ARHGAP8: variants seen among roughly 807,000 people sequenced by gnomAD.
ARHGAP8 encodes the protein Rho GTPase activating protein 8.
Under a neutral mutation model 46.1 loss-of-function variants are expected in ARHGAP8, and 62 were observed. The observed-to-expected ratio is 1.34, with a 90% CI of 1.10 to 1.66. ARHGAP8 has a LOEUF of 1.66. ARHGAP8 is among the 40% of genes most tolerant of loss of function. The pLI is 0.00. For synonymous variants in ARHGAP8, 375 were observed against 243.1 expected, an observed-to-expected ratio of 1.54 and a Z score of -5.05; for missense variants, 923 against 568.4, an observed-to-expected ratio of 1.62 and a Z score of -6.34.
At chr22:44,785,375 G>A (rs6007293) in intron 1 of ARHGAP8, among the ~76,000 whole-genome samples, 136,762 of 152,084 alleles carry the variant, frequency 0.9, 61,682 homozygotes, top group Non-Finnish European at 0.94. Context: ...CAAGGTGTCT[G>A]CAGAGCTGCA....
intron 5 of ARHGAP8, among the ~76,000 whole-genome samples, chr22:44,816,178 C>T (rs1326989721): frequency 6.6e-6 from 1 of 152,110 alleles, no homozygotes; most frequent in Non-Finnish European, 1.5e-5. Context: ...GGCTCTGAGG[C>T]TGCTGCTGAC....
intron 1 of ARHGAP8, among the ~76,000 whole-genome samples, chr22:44,758,115 G>A (rs138564213): frequency 2.6e-5 from 4 of 152,234 alleles, no homozygotes; most frequent in East Asian, 1.9e-4. Flanking sequence ...GGGAGGGCAG[G>A]TCTCTTTAGC....
chr22:44,807,253 G>C (rs1928996193), intron 3 of ARHGAP8, among the ~76,000 whole-genome samples: 1 of 152,168 alleles, frequency 6.6e-6, no homozygotes, highest in Admixed American at 6.5e-5. Context: ...GAGTGCTGGT[G>C]GAGGGTTAGG....
At chr22:44,855,257 C>T (rs2070193437) in intron 10 of ARHGAP8, among the ~76,000 whole-genome samples, 3 of 152,210 alleles carry the variant, frequency 2.0e-5, no homozygotes, top group East Asian at 1.9e-4. Context: ...TTCTCCTTGA[C>T]CTCTGGGCTC....
At chr22:44,846,603 G>A (rs958910815) in intron 8 of ARHGAP8, among the ~76,000 whole-genome samples, 3 of 152,164 alleles carry the variant, frequency 2.0e-5, no homozygotes, top group Non-Finnish European at 2.9e-5. Flanking sequence ...TCCCCGGCCT[G>A]GACTGCCCCT....
chr22:44,824,876 A>G (rs915999998), intron 6 of ARHGAP8, among the ~76,000 whole-genome samples: 1 of 151,288 alleles, frequency 6.6e-6, no homozygotes, highest in Middle Eastern at 3.2e-3. Context: ...CAAGTGATCC[A>G]CCTGCCTCGG....
intron 10 of ARHGAP8, among the ~76,000 whole-genome samples, chr22:44,859,224 T>TGAATTGAAACTTTGGA (rs1046372701): frequency 1.4e-5 from 2 of 146,774 alleles, no homozygotes; most frequent in African/African-American, 4.9e-5. Flanking sequence ...CGTCTCATGT[T>TGAATTGAAACTTTGGA]GAATTGAAAC....
At chr22:44,859,918 G>A (rs2070385242) in intron 11 of ARHGAP8, 84 bp downstream of exon 11, 6 of 1,494,582 alleles carry the variant, frequency 4.0e-6, no homozygotes, top group Non-Finnish European at 5.4e-6. Flanking sequence ...TCCCCTCCTT[G>A]CCCTGGGTCT....
At chr22:44,764,093 T>G (rs1925366639) in intron 1 of ARHGAP8, among the ~76,000 whole-genome samples, 1 of 152,118 alleles carries the variant, frequency 6.6e-6, no homozygotes, top group Non-Finnish European at 1.5e-5. Context: ...ATTACAGGCG[T>G]GAGCCACCGC....
chr22:44,858,560 G>A (rs1348323115), intron 10 of ARHGAP8, among the ~76,000 whole-genome samples: 1 of 34,222 alleles, frequency 2.9e-5, no homozygotes, highest in African/African-American at 1.0e-4. Flanking sequence ...TTAAGTAACA[G>A]GGTTTCACCA....
intron 3 of ARHGAP8, among the ~76,000 whole-genome samples, chr22:44,807,395 A>C (rs1929008023): frequency 2.0e-5 from 3 of 151,796 alleles, no homozygotes; most frequent in Non-Finnish European, 4.4e-5. Context: ...TAGAGCCTAC[A>C]CCATAGGGGG....
At position 44,849,046 on chromosome 22, in the gene ARHGAP8, T is replaced by C. The variant is rs200017589; in HGVS notation, c.863T>C (p.Ile288Thr). ...PLLTFQAYEQ[I>T]LGITCVESSL... ...CTGACCTTCCAGGCCTACGAGCAGA[T>C]TCTCGGGATCACCTGTGCGTAGCTG... The change falls in exon 10 of 12, where the codon ATT becomes ACT. Residue 288 changes from isoleucine to threonine, a missense_variant. Physicochemically the swap from Ile to Thr is moderately conservative, Grantham distance 89 (BLOSUM62 -1). Transcript: ENST00000356099. 1.2e-6 allele frequency: 2 copies of C among 1,613,940 alleles called. No homozygotes were observed. Among genetic ancestry groups the C allele is most frequent in the Non-Finnish European group, 1.7e-6 (2 of 1,179,946 alleles).
Position 44,859,782 on chromosome 22 carries a change from TC to T in ARHGAP8, c.932del (p.Pro311GlnfsTer27), listed in dbSNP as rs1569186748. 6.2e-7 allele frequency: 1 copy of T among 1,614,086 alleles called. No individual in the cohort carries two copies. Among genetic ancestry groups the T allele is most frequent in the South Asian group, 1.1e-5 (1 of 91,082 alleles). On this transcript the variant is annotated frameshift_variant, in exon 11 of 12. Transcript: ENST00000356099. LOFTEE classifies it high-confidence loss of function. ...VTGCRQILRS[L>X]PEHNYVVLRY... ...GGCTGCCGCCAGATCTTACGGAGCC[TC>T]CCAGAGCACAACTACGTCGTCCTCC...
At chr22:44,783,561 C>T (rs1277095107) in intron 1 of ARHGAP8, among the ~76,000 whole-genome samples, 1 of 152,190 alleles carries the variant, frequency 6.6e-6, no homozygotes, top group Non-Finnish European at 1.5e-5. Flanking sequence ...CTCCTGCACC[C>T]ACCTCCCCTA....
chr22:44,855,745 C>A (rs1236929634), intron 10 of ARHGAP8, among the ~76,000 whole-genome samples: 1 of 152,130 alleles, frequency 6.6e-6, no homozygotes, highest in Non-Finnish European at 1.5e-5. Flanking sequence ...TCCAAAGTTA[C>A]CCCACAGATA....
At chr22:44,862,231 C>CCCTT in intron 11 of ARHGAP8, 44 bp from the exon 12 acceptor site, 1 of 1,548,228 alleles carries the variant, frequency 6.5e-7, no homozygotes, top group Non-Finnish European at 8.8e-7. Flanking sequence ...GTGCCCGTGC[C>CCCTT]CCTTGGTGTT....
chr22:44,785,851 A>G (rs974294137), intron 1 of ARHGAP8, among the ~76,000 whole-genome samples: 6 of 151,914 alleles, frequency 3.9e-5, no homozygotes, highest in South Asian at 4.2e-4. Context: ...ACCCCAGCCC[A>G]CCTTGGTGCT....
At chr22:44,823,669 C>T (rs1930312076) in intron 6 of ARHGAP8, among the ~76,000 whole-genome samples, 1 of 152,152 alleles carries the variant, frequency 6.6e-6, no homozygotes, top group Non-Finnish European at 1.5e-5. Context: ...GGAGACGGCT[C>T]AGAAGATGTA....
intron 2 of ARHGAP8, among the ~76,000 whole-genome samples, chr22:44,787,047 A>AAC (rs1555911044): frequency 0.024 from 3,536 of 145,558 alleles, 71 homozygotes; most frequent in Non-Finnish European, 0.038. Context: ...CAAAAAAAAA[A>AAC]AAAAGAAAGA....
Sources: allele counts gnomAD v4.1 joint callset (sites outside exome capture counted in the v4.1 genomes callset), GRCh38; gene constraint gnomAD v4.1.1; transcripts MANE v1.5; gene names NCBI Gene and HGNC (gene_info 2026-07-23, HGNC 2026-07-21).